Variants in METTL17 observed in about 807,000 individuals in gnomAD.
The protein encoded by METTL17 is methyltransferase like 17.
In METTL17, 49 loss-of-function variants were observed where a neutral mutation model predicts 59.4. The ratio of observed to expected loss-of-function variants is 0.82; its 90% CI spans 0.66 to 1.05. The LOEUF (loss-of-function observed/expected upper bound fraction) is 1.05. Among genes scored for constraint, METTL17 ranks in the 50% least tolerant of loss-of-function variants. The pLI is 0.00. For synonymous variants in METTL17, 208 were observed against 209.2 expected (o/e 0.99, Z 0.05); for missense variants, 555 against 578.4 (o/e 0.96, Z 0.41).
chr14:20,990,310 C>T lies in METTL17; in HGVS notation c.156C>T (p.His52=). The change falls in exon 2 of 14, where the codon CAC becomes CAT. Residue 52 remains histidine, a synonymous_variant. Coordinates refer to ENST00000339374, the MANE Select transcript of METTL17 (RefSeq NM_022734.3). ...GFLQKRPHRQ[H]PGILKLPHVR... ...TGCAGAAGAGGCCTCATCGCCAGCA[C>T]CCTGGCATCCTAAAGCTGCCGCACG... is the stretch of plus-strand genomic sequence containing the variant. 1 of 1,614,266 alleles carries T rather than the reference C, an allele frequency of 6.2e-7. No individual in the cohort carries two copies. Among genetic ancestry groups the T allele is most frequent in the Non-Finnish European group, 8.5e-7 (1 of 1,180,048 alleles).
chr14:20,994,642 A>ACAC, intron 8 of METTL17, 29 bp downstream of exon 8: 1 of 1,602,338 alleles, frequency 6.2e-7, no homozygotes, highest in Non-Finnish European at 8.6e-7. Context: ...AATATTCTAA[A>ACAC]TGTGGAATGT....
chr14:20,995,105 C>T (rs1880284423), intron 9 of METTL17, 60 bp from the exon 10 acceptor site: 1 of 1,485,934 alleles, frequency 6.7e-7, no homozygotes, highest in South Asian at 1.1e-5. Flanking sequence ...TACACAGCTA[C>T]TGACATTTAT....
At position 20,990,551 on chromosome 14, in the gene METTL17, T is replaced by G; in HGVS notation, c.317T>G (p.Leu106Trp). ...SRHLPVEPEELQRRARHLEKK... is the reference protein window; with the variant it reads ...SRHLPVEPEEWQRRARHLEKK... Reference sequence around the variant, plus strand: ...CATTTGCCTGTAGAGCCAGAGGAGTTGCAAAGACGGGCTAGGCATCTTGAG... The same window carrying G: ...CATTTGCCTGTAGAGCCAGAGGAGTGGCAAAGACGGGCTAGGCATCTTGAG... Residue 106 changes from leucine to tryptophan, a missense_variant, in exon 3 of 14, where the codon TTG becomes TGG. By Grantham distance (61) the Leu-to-Trp change is moderately conservative. Coordinates refer to ENST00000339374, the MANE Select transcript of METTL17 (RefSeq NM_022734.3). 6.2e-7 allele frequency: 1 copy of G among 1,614,228 alleles called. No individual in the cohort carries two copies. Among genetic ancestry groups the G allele is most frequent in the Non-Finnish European group, 8.5e-7 (1 of 1,180,040 alleles).
intron 9 of METTL17, 89 bp downstream of exon 9, chr14:20,994,990 C>T (rs1880277312): frequency 2.5e-6 from 3 of 1,210,908 alleles, no homozygotes; most frequent in Admixed American, 2.1e-5. Flanking sequence ...TATTCTTCAC[C>T]ATTTTTCTCC....
intron 6 of METTL17, 116 bp downstream of exon 6, chr14:20,993,307 C>A: frequency 1.2e-6 from 1 of 850,530 alleles, no homozygotes; most frequent in Non-Finnish European, 2.0e-6. Context: ...AGTTGGGAAT[C>A]TATAATGTTT....
rs763475824 is a variant in METTL17, at chr14:20,996,197, A to G, written c.997-12A>G. The G allele has an allele frequency of 3.1e-6, 5 of 1,609,698 alleles. No homozygotes were observed. The highest frequency in any genetic ancestry group is 1.7e-4 in the Middle Eastern group (1 of 6,040). On this transcript the variant is annotated splice_polypyrimidine_tract_variant and intron_variant, in intron 11 of 13. Transcript: ENST00000339374. The stretch of plus-strand genomic sequence containing the variant: ...CTCTTTTGTCTTACCTCATTTTTTT[A>G]TGTGTTCACAGTGTCCCCATGAACT...
chr14:20,990,512 A>G lies in METTL17; in HGVS notation c.278A>G (p.Tyr93Cys), dbSNP rs781243032. Residue 93 changes from tyrosine to cysteine, a missense_variant, in exon 3 of 14, where the codon TAT (tyrosine) becomes TGT (cysteine). Physicochemically the swap from Tyr to Cys is radical, Grantham distance 194. Transcript: ENST00000339374. ...MENQVQTLTS[Y>C]LWSRHLPVEP... ...AATCAGGTGCAAACACTGACCAGTT[A>G]TCTCTGGAGCAGACATTTGCCTGTA... 1 of 1,614,242 alleles carries G rather than the reference A, an allele frequency of 6.2e-7. No homozygotes were observed.
chr14:20,994,747 G>T (rs1203829240), intron 8 of METTL17, 47 bp from the exon 9 acceptor site: 2 of 1,547,186 alleles, frequency 1.3e-6, no homozygotes, highest in East Asian at 4.5e-5. Flanking sequence ...TGTATTCTTG[G>T]GATGTAGAGA....
At chr14:20,992,311 C>T in intron 4 of METTL17, 106 bp downstream of exon 4, 1 of 792,694 alleles carries the variant, frequency 1.3e-6, no homozygotes, top group African/African-American at 1.7e-5. Flanking sequence ...TTTATATCAC[C>T]TGACCTTAAA....
At chr14:20,990,863 G>GA in intron 3 of METTL17, 1 of 431,384 alleles carries the variant, frequency 2.3e-6, no homozygotes, top group Non-Finnish European at 4.2e-6. Flanking sequence ...ACAGAGTCTT[G>GA]CTCTGTCACC....
rs1327574885 is a variant in METTL17 at position 20,994,004 on chromosome 14, AAT to A, written c.643_644del (p.Met215ValfsTer45). The A allele has an allele frequency of 1.9e-6, 3 of 1,613,718 alleles. No homozygotes were observed. The highest frequency in any genetic ancestry group is 2.5e-6 in the Non-Finnish European group (3 of 1,179,908). ...AGTATTTGGGGCCAGAGCCTACGTG[AAT>A]ATATGTGTGTGGACAGATCAGCTGC... On this transcript the variant is annotated frameshift_variant, in exon 7 of 14. Coordinates refer to ENST00000339374, the MANE Select transcript of METTL17 (RefSeq NM_022734.3). LOFTEE classifies it high-confidence loss of function.
At position 20,993,786 on chromosome 14, in the gene METTL17, T is replaced by C. The variant is rs1880193235; in HGVS notation, c.603-183T>C. The C allele has an allele frequency of 2.1e-5, 9 of 420,750 alleles. No individual in the cohort carries two copies. The South Asian group carries it at 3.4e-4, about 16-fold the overall frequency. The allele number at this position is 420,750 out of a possible 1,614,324, so 26.1% of individuals were successfully genotyped here. A position where few individuals can be genotyped will look rare whatever the true frequency, so the allele number is the denominator to read the frequency against. On this transcript the variant is annotated intron_variant, in intron 6 of 13. Transcript: ENST00000339374. ...CTGTGCCCAGCTGAGTCTACCTTTT[T>C]TTTTTTAGGAGTTGTAAATAAAACA...
At position 20,992,203 on chromosome 14, in the gene METTL17, G is replaced by C; in HGVS notation, c.444G>C (p.Leu148=). Residue 148 remains leucine (L), a splice_region_variant and synonymous_variant, in exon 4 of 14, where the codon CTG becomes CTC. Coordinates refer to ENST00000339374, the MANE Select transcript of METTL17 (RefSeq NM_022734.3). ...LRKTTYHWQE[L]SYTEGLSLVY... ...AAACTACCTACCATTGGCAAGAACT[G>C]AGGTAAGGGGGCCCAGAAGAGGTGC... The C allele has an allele frequency of 6.3e-7, 1 of 1,593,902 alleles. No individual in the cohort carries two copies. The highest frequency in any genetic ancestry group is 1.8e-5 in the Admixed American group (1 of 56,520).
chr14:20,996,723 G>T lies in METTL17; in HGVS notation c.1265+12G>T, dbSNP rs775521352. On this transcript the variant is annotated intron_variant, in intron 13 of 13. Coordinates refer to ENST00000339374, the MANE Select transcript of METTL17 (RefSeq NM_022734.3). ...CGCCGGCACGGCAGGTATGGGGGGT[G>T]TGACCAAAATCAGTGGGATGTGGCA... The T allele has an allele frequency of 6.2e-7, 1 of 1,614,244 alleles. No individual in the cohort carries two copies. Among genetic ancestry groups the T allele is most frequent in the Admixed American group, 1.7e-5 (1 of 60,032 alleles).
intron 11 of METTL17, 39 bp downstream of exon 11, chr14:20,995,990 A>G: frequency 6.2e-7 from 1 of 1,607,874 alleles, no homozygotes; most frequent in Non-Finnish European, 8.5e-7. Flanking sequence ...CACGGATCTG[A>G]ACTTAGGCGT....
At chr14:20,992,349 A>G (rs1048568831) in intron 4 of METTL17, 144 bp downstream of exon 4, 3 of 735,954 alleles carry the variant, frequency 4.1e-6, no homozygotes, top group Admixed American at 3.0e-5. Flanking sequence ...TGAAAAAGCT[A>G]AAGTACAAAG....
intron 9 of METTL17, 108 bp from the exon 10 acceptor site, chr14:20,995,057 T>C (rs1274701513): frequency 2.0e-5 from 24 of 1,214,040 alleles, no homozygotes; most frequent in Non-Finnish European, 2.9e-5. Context: ...GTAATGCCTA[T>C]TTCTTTTTAG....
Position 20,990,469 on chromosome 14 carries a change from G to C in METTL17, c.235G>C (p.Ala79Pro). Reference protein sequence around the residue: ...NGAQLLLLGSAGPTMENQVQT... With the variant: ...NGAQLLLLGSPGPTMENQVQT... ...TTTTCGTCTTTGGCCCATAGGGAGC[G>C]CTGGGCCCACTATGGAGAATCAGGT... The change falls in exon 3 of 14, where the codon GCT becomes CCT. Residue 79 changes from alanine to proline, a missense_variant. Physicochemically the swap from Ala to Pro is conservative, Grantham distance 27 (BLOSUM62 -1). Transcript: ENST00000339374. 1 of 1,614,150 alleles carries C rather than the reference G, an allele frequency of 6.2e-7. No individual in the cohort carries two copies. The highest frequency in any genetic ancestry group is 1.7e-5 in the Admixed American group (1 of 60,014).
chr14:20,995,417 C>T (rs544019102), intron 10 of METTL17, among the ~76,000 whole-genome samples, 184 bp downstream of exon 10: 180 of 152,326 alleles, frequency 1.2e-3, no homozygotes, highest in African/African-American at 4.1e-3. Context: ...CGACCTGCCA[C>T]CTGTTTTTAT....
Sources: allele counts gnomAD v4.1 joint callset (sites outside exome capture counted in the v4.1 genomes callset), GRCh38; gene constraint gnomAD v4.1.1; transcripts MANE v1.5; gene names NCBI Gene and HGNC (gene_info 2026-07-23, HGNC 2026-07-21).